The following WBP1L variants were observed in gnomAD, a reference collection of about 807,000 sequenced individuals.
The protein encoded by WBP1L is WW domain binding protein 1 like, also known as WW domain binding protein 1-like.
In WBP1L, 17 loss-of-function variants were observed where a neutral mutation model predicts 33.7. That is an observed-to-expected ratio of 0.50 (90% CI 0.34 to 0.76). The LOEUF (loss-of-function observed/expected upper bound fraction) is 0.76, where lower values mean the gene tolerates loss of function less well. Ranked by LOEUF, WBP1L falls within the 30% of genes least tolerant of loss-of-function variation. The probability of loss-of-function intolerance (pLI) is 0.01; values close to 1 mark genes in which losing one functional copy is unlikely to be tolerated. For missense variants in WBP1L, 389 were observed against 469.4 expected (o/e 0.83, Z 1.58); for synonymous variants, 173 against 190.8 (o/e 0.91, Z 0.77).
At chr10:102,800,864 C>T (rs1843646270) in intron 2 of WBP1L, among the ~76,000 whole-genome samples, 1 of 152,204 alleles carries the variant, frequency 6.6e-6, no homozygotes, top group African/African-American at 2.4e-5. Context: ...TTCCTTCCCA[C>T]CTTCCTTTGG....
At chr10:102,780,021 G>A (rs981689528) in intron 1 of WBP1L, among the ~76,000 whole-genome samples, 4 of 152,144 alleles carry the variant, frequency 2.6e-5, no homozygotes, top group African/African-American at 9.7e-5. Flanking sequence ...ATTTGCCTGG[G>A]GCAAGATAAG....
intron 1 of WBP1L, among the ~76,000 whole-genome samples, chr10:102,777,212 G>A (rs1265470408): frequency 6.6e-6 from 1 of 152,174 alleles, no homozygotes; most frequent in Non-Finnish European, 1.5e-5. Context: ...AGGCATGTCT[G>A]TATCGGAATG....
intron 1 of WBP1L, 127 bp from the exon 2 acceptor site, chr10:102,797,866 A>T: frequency 2.3e-6 from 2 of 866,726 alleles, no homozygotes; most frequent in Non-Finnish European, 3.5e-6. Flanking sequence ...TGATTTTCTT[A>T]ATGGAATAAA....
At chr10:102,769,340 C>G (rs1325455536) in intron 1 of WBP1L, among the ~76,000 whole-genome samples, 1 of 149,602 alleles carries the variant, frequency 6.7e-6, no homozygotes, top group Non-Finnish European at 1.5e-5. Flanking sequence ...AGCATCCCTT[C>G]TTTGTTTTCT....
chr10:102,784,872 CTTTTTTTT>C (rs61102977), intron 1 of WBP1L, among the ~76,000 whole-genome samples: 76,630 of 142,398 alleles, frequency 0.54, 20,850 homozygotes, highest in Middle Eastern at 0.64. Context: ...ACTTTTTTTT[CTTTTTTTT>C]TTTTTTTTAG....
At chr10:102,784,705 G>A (rs981748743) in intron 1 of WBP1L, among the ~76,000 whole-genome samples, 3 of 151,608 alleles carry the variant, frequency 2.0e-5, no homozygotes, top group South Asian at 2.1e-4. Flanking sequence ...GATTACAGGC[G>A]TGAGCCACCG....
At chr10:102,798,191 C>A (rs887262955) in intron 2 of WBP1L, 96 bp downstream of exon 2, 1 of 1,049,360 alleles carries the variant, frequency 9.5e-7, no homozygotes, top group East Asian at 2.4e-5. Flanking sequence ...TTCGGATTCT[C>A]TTGGGGACAG....
At chr10:102,797,898 G>T in intron 1 of WBP1L, 95 bp from the exon 2 acceptor site, 2 of 1,128,124 alleles carry the variant, frequency 1.8e-6, no homozygotes, top group Non-Finnish European at 2.6e-6. Flanking sequence ...ACTGTTTTGG[G>T]GGCTGGTGAA....
chr10:102,801,975 AC>A (rs1211844632), intron 2 of WBP1L, among the ~76,000 whole-genome samples: 1 of 16,740 alleles, frequency 6.0e-5, no homozygotes, highest in African/African-American at 2.7e-4. Context: ...CCTTCCCCCC[AC>A]CCCCACCCTT....
chr10:102,789,773 C>T (rs1459812881), intron 1 of WBP1L, among the ~76,000 whole-genome samples: 3 of 143,646 alleles, frequency 2.1e-5, no homozygotes, highest in African/African-American at 5.1e-5. Flanking sequence ...TTGACAGTCT[C>T]ACTCTGTCAC....
In WBP1L at chr10:102,809,982, C is replaced by G. The variant is rs1269389011; in HGVS notation, c.283C>G (p.Gln95Glu). ...RRAKHRLQAQ[Q>E]RQHEINLIAY... ...AGCCAAGCACCGCCTTCAGGCCCAG[C>G]AGCGGCAACATGAAATCAACCTGAT... Residue 95 changes from glutamine to glutamate, a missense_variant, in exon 3 of 4, where the codon CAG becomes GAG. Physicochemically the swap from Gln to Glu is conservative, Grantham distance 29 (BLOSUM62 2). Transcript: ENST00000448841. 1.9e-6 allele frequency: 3 copies of G among 1,614,016 alleles called. No individual in the cohort carries two copies. Among genetic ancestry groups the G allele is most frequent in the Admixed American group, 1.7e-5 (1 of 60,006 alleles).
chr10:102,777,386 A>G (rs1843279182), intron 1 of WBP1L, among the ~76,000 whole-genome samples: 1 of 152,042 alleles, frequency 6.6e-6, no homozygotes, highest in Non-Finnish European at 1.5e-5. Flanking sequence ...GAAAAGTGCT[A>G]GGTGGACAAC....
intron 1 of WBP1L, among the ~76,000 whole-genome samples, chr10:102,746,436 TCCCTATACAATTCCATCCCC>T (rs1434162954): frequency 6.6e-6 from 1 of 152,094 alleles, no homozygotes; most frequent in African/African-American, 2.4e-5. Context: ...CTCCTGACGC[TCCCTATACAATTCCATCCCC>T]CACCTTATAC....
chr10:102,769,716 C>G (rs932039432), intron 1 of WBP1L, among the ~76,000 whole-genome samples: 1 of 152,204 alleles, frequency 6.6e-6, no homozygotes, highest in Non-Finnish European at 1.5e-5. Flanking sequence ...GGTGTGTGTC[C>G]TTGAACGAGT....
At chr10:102,788,253 C>A (rs1365601643) in intron 1 of WBP1L, among the ~76,000 whole-genome samples, 1 of 150,992 alleles carries the variant, frequency 6.6e-6, no homozygotes, top group East Asian at 2.0e-4. Context: ...CTCAGCCTCC[C>A]GAGTAGCTAC....
chr10:102,802,820 T>C (rs1026321267), intron 2 of WBP1L, among the ~76,000 whole-genome samples: 2 of 152,200 alleles, frequency 1.3e-5, no homozygotes, highest in African/African-American at 2.4e-5. Context: ...GGAATACTTT[T>C]TGGGGGTTAA....
intron 1 of WBP1L, among the ~76,000 whole-genome samples, chr10:102,772,257 C>CTTTTTTTTT (rs34766191): frequency 8.2e-5 from 5 of 61,032 alleles, no homozygotes; most frequent in Admixed American, 2.7e-4. Context: ...TGCGCCCGGC[C>CTTTTTTTTT]TTTTTTTTTT....
rs149650515 is a variant in WBP1L, at chr10:102,751,431, C to G, written c.90+7288C>G. On this transcript the variant is annotated intron_variant, in intron 1 of 3. Coordinates refer to ENST00000448841, the MANE Select transcript of WBP1L (RefSeq NM_001083913.2). ...CTCAAGCAAACCTCCTATCTCAGCC[C>G]TCCTAGTAGCTGGAGCTACAGGTGC... Among the ~76,000 whole-genome samples, 808 of 151,942 alleles carry G rather than the reference C, an allele frequency of 5.3e-3. 4 individuals carry two copies. The highest frequency in any genetic ancestry group is 8.3e-3 in the Admixed American group (127 of 15,238).
Position 102,814,872 on chromosome 10 carries a change from G to GA in WBP1L, c.*1544dup. On this transcript the variant is annotated 3_prime_UTR_variant, in exon 4 of 4. Transcript: ENST00000448841. ...GCATTGATGTTATGGAAGAAAGAAA[G>GA]AAACAAACAAAATATATATATATAT... 6.6e-6 allele frequency: 1 copy of GA among 152,510 alleles called. No individual in the cohort carries two copies. The allele number at this position is 152,510 out of a possible 1,614,324, so 9.4% of individuals were successfully genotyped here.
Sources: allele counts gnomAD v4.1 joint callset (sites outside exome capture counted in the v4.1 genomes callset), GRCh38; gene constraint gnomAD v4.1.1; transcripts MANE v1.5; gene names NCBI Gene and HGNC (gene_info 2026-07-23, HGNC 2026-07-21).